The following TTBK2 variants were observed in gnomAD, a reference collection of about 807,000 sequenced individuals.
TTBK2 encodes the protein tau-tubulin kinase 2.
In TTBK2, 28 loss-of-function variants were observed where a neutral mutation model predicts 110.8. The observed-to-expected ratio is 0.25, with a 90% CI of 0.19 to 0.35. The LOEUF (loss-of-function observed/expected upper bound fraction) is 0.35. Among genes scored for constraint, TTBK2 ranks in the 10% least tolerant of loss-of-function variants. The pLI, the probability that TTBK2 is intolerant of heterozygous loss-of-function variation, is 1.00. For missense variants in TTBK2, 1,369 were observed against 1,500.3 expected (o/e 0.91, Z 1.45); for synonymous variants, 532 against 527.3 (o/e 1.01, Z -0.12).
intron 6 of TTBK2, among the ~76,000 whole-genome samples, chr15:42,819,145 T>C (rs1892178680): frequency 6.6e-6 from 1 of 151,524 alleles, no homozygotes; most frequent in African/African-American, 2.4e-5. Flanking sequence ...CATGTATTAC[T>C]TTTGTAGTCA....
intron 1 of TTBK2, among the ~76,000 whole-genome samples, chr15:42,915,454 T>C (rs1353155516): frequency 1.3e-5 from 2 of 152,262 alleles, no homozygotes; most frequent in Non-Finnish European, 2.9e-5. Flanking sequence ...GCTATTGTTA[T>C]TATTCCCTTA....
At chr15:42,856,524 G>T (rs1893949011) in intron 3 of TTBK2, among the ~76,000 whole-genome samples, 1 of 152,124 alleles carries the variant, frequency 6.6e-6, no homozygotes, top group African/African-American at 2.4e-5. Context: ...GACAATGGGA[G>T]AAATTAAATA....
At chr15:42,865,523 A>AC (rs1555432814) in intron 3 of TTBK2, among the ~76,000 whole-genome samples, 26 of 150,198 alleles carry the variant, frequency 1.7e-4, no homozygotes, top group Admixed American at 4.0e-4. Context: ...TAAAAAAAAA[A>AC]AAAAAACCAA....
At chr15:42,877,656 T>C (rs543220207) in intron 2 of TTBK2, among the ~76,000 whole-genome samples, 5 of 152,190 alleles carry the variant, frequency 3.3e-5, no homozygotes, top group Non-Finnish European at 7.4e-5. Context: ...TAAGAAATGA[T>C]TACTTTTTTT....
intron 1 of TTBK2, among the ~76,000 whole-genome samples, chr15:42,894,191 C>T (rs1281373212): frequency 6.6e-6 from 1 of 152,174 alleles, no homozygotes; most frequent in Non-Finnish European, 1.5e-5. Flanking sequence ...TCCTCCTTTG[C>T]CTTTCACTAT....
At chr15:42,762,370 G>GCCAAGATATGGAATCAACC (rs1447075838) in intron 13 of TTBK2, among the ~76,000 whole-genome samples, 3 of 152,158 alleles carry the variant, frequency 2.0e-5, no homozygotes, top group Non-Finnish European at 4.4e-5. Flanking sequence ...GTTCACAATA[G>GCCAAGATATGGAATCAACC]CCAAGATATG....
intron 7 of TTBK2, among the ~76,000 whole-genome samples, chr15:42,815,657 T>C (rs1231834103): frequency 6.6e-6 from 1 of 151,514 alleles, no homozygotes; most frequent in African/African-American, 2.4e-5. Context: ...GATAATTTAC[T>C]AAAACAAACA....
intron 1 of TTBK2, among the ~76,000 whole-genome samples, chr15:42,911,624 G>A (rs1051955918): frequency 7.2e-5 from 11 of 152,136 alleles, no homozygotes; most frequent in Admixed American, 4.6e-4. Flanking sequence ...ACTCAAGCTA[G>A]CCAACTGCCT....
chr15:42,775,516 G>A lies in TTBK2; in HGVS notation c.1617C>T (p.Asn539=). The A allele has an allele frequency of 6.2e-7, 1 of 1,614,160 alleles. No homozygotes were observed. Residue 539 remains asparagine, a synonymous_variant, in exon 13 of 15, where the codon AAC becomes AAT. Coordinates refer to ENST00000267890, the MANE Select transcript of TTBK2 (RefSeq NM_173500.4). ...GGGSNGFIAV[N]LSSCKQEIDS... ...CAATTTCTTGCTTGCAAGAGCTCAG[G>A]TTAACAGCTATAAATCCATTGCTGC...
chr15:42,919,832 T>G (rs573618872), intron 1 of TTBK2: 1 of 985,384 alleles, frequency 1.0e-6, no homozygotes, highest in Non-Finnish European at 1.2e-6. Context: ...CAATGGATTA[T>G]TTACTTCTCC....
chr15:42,817,159 T>C, intron 6 of TTBK2, 62 bp from the exon 7 acceptor site: 1 of 1,425,330 alleles, frequency 7.0e-7, no homozygotes. Flanking sequence ...TTCAGCACAC[T>C]TGAACCATGA....
At chr15:42,759,793 G>T (rs1401784133) in intron 13 of TTBK2, among the ~76,000 whole-genome samples, 2 of 152,086 alleles carry the variant, frequency 1.3e-5, no homozygotes, top group Non-Finnish European at 2.9e-5. Context: ...CATAAAATTT[G>T]GAGAGTCAAC....
Position 42,768,244 on chromosome 15 carries a change from T to G in TTBK2, c.1998+6891A>C, listed in dbSNP as rs575303905. Among the ~76,000 whole-genome samples, 5 of 152,328 alleles carry G rather than the reference T, an allele frequency of 3.3e-5. No individual in the cohort carries two copies. In the South Asian group the frequency reaches 1.0e-3, roughly 32 times the overall value. ...CTCTCACCACTCCTATTCAACATAG[T>G]GTTGGAAGTTCTGGCCAGGGCAATC... On this transcript the variant is annotated intron_variant, in intron 13 of 14. Transcript: ENST00000267890.
At chr15:42,822,701 A>G (rs1312298659) in intron 6 of TTBK2, among the ~76,000 whole-genome samples, 1 of 152,242 alleles carries the variant, frequency 6.6e-6, no homozygotes, top group Non-Finnish European at 1.5e-5. Context: ...ATTGGAATTC[A>G]TAAAATATTT....
intron 3 of TTBK2, among the ~76,000 whole-genome samples, chr15:42,870,177 A>C (rs911594980): frequency 1.3e-5 from 2 of 152,102 alleles, no homozygotes; most frequent in African/African-American, 2.4e-5. Flanking sequence ...CCATCACAAA[A>C]AAAAAATAAT....
chr15:42,844,970 A>G (rs1407299775), intron 3 of TTBK2, among the ~76,000 whole-genome samples: 1 of 152,242 alleles, frequency 6.6e-6, no homozygotes. Context: ...AAGAGTTCAC[A>G]GCCAAGATAC....
intron 3 of TTBK2, chr15:42,871,561 T>C: frequency 1.0e-6 from 1 of 985,392 alleles, no homozygotes; most frequent in South Asian, 4.7e-5. Flanking sequence ...TATCCTGGGA[T>C]CTGTGCAACC....
intron 1 of TTBK2, among the ~76,000 whole-genome samples, chr15:42,912,921 C>T (rs1283166122): frequency 2.0e-5 from 3 of 149,008 alleles, no homozygotes; most frequent in Non-Finnish European, 4.5e-5. Flanking sequence ...GTCAGGAGAT[C>T]GAGACCATCC....
At position 42,750,612 on chromosome 15, in the gene TTBK2, C is replaced by A. The variant is rs575000875; in HGVS notation, c.3272+1362G>T. Among the ~76,000 whole-genome samples the A allele has an allele frequency of 7.8e-4, 118 of 151,738 alleles. 1 individual carries two copies. The highest frequency in any genetic ancestry group is 1.1e-3 in the Non-Finnish European group (73 of 67,920). On this transcript the variant is annotated intron_variant, in intron 14 of 14. Coordinates refer to ENST00000267890, the MANE Select transcript of TTBK2 (RefSeq NM_173500.4). ...AGAAAAGTAAACAGACAATAAAGGG[C>A]CTGTGGGGCCATCAAGCAGACTTGC...
Sources: allele counts gnomAD v4.1 joint callset (sites outside exome capture counted in the v4.1 genomes callset), GRCh38; gene constraint gnomAD v4.1.1; transcripts MANE v1.5; gene names NCBI Gene and HGNC (gene_info 2026-07-23, HGNC 2026-07-21).